Variants in MEGF10 observed in about 807,000 individuals in gnomAD.
MEGF10 encodes multiple EGF like domains 10.
In MEGF10, 86 loss-of-function variants were observed where a neutral mutation model predicts 147.5. That is an observed-to-expected ratio of 0.58 (90% confidence interval 0.49 to 0.70). The LOEUF (loss-of-function observed/expected upper bound fraction) is 0.70. Ranked by LOEUF, MEGF10 falls within the 30% of genes least tolerant of loss-of-function variation. MEGF10 has a pLI of 0.00. For missense variants in MEGF10, 1,329 were observed against 1,487.3 expected (o/e 0.89, Z 1.75); for synonymous variants, 478 against 525.5 (o/e 0.91, Z 1.24).
chr5:127,239,600 CT>C, the MEGF10 span, among the ~76,000 whole-genome samples: 5 of 151,342 alleles, frequency 3.3e-5, no homozygotes, highest in Non-Finnish European at 5.9e-5. Flanking sequence ...ACTCTCATGA[CT>C]TTTCTGAAGG....
the MEGF10 span, among the ~76,000 whole-genome samples, chr5:127,247,423 A>G: frequency 0.16 from 9,934 of 61,390 alleles, 3,019 homozygotes; most frequent in Middle Eastern, 0.34. Flanking sequence ...GAAGAAGAAG[A>G]AGAAGAAGAA....
At chr5:127,268,474 G>C in the MEGF10 span, among the ~76,000 whole-genome samples, 37 of 151,968 alleles carry the variant, frequency 2.4e-4, no homozygotes, top group Non-Finnish European at 2.1e-4. Flanking sequence ...GGATATCCTT[G>C]TTAACTTTCT....
At chr5:127,386,375 A>G (rs1441118330) in intron 5 of MEGF10, among the ~76,000 whole-genome samples, 1 of 152,240 alleles carries the variant, frequency 6.6e-6, no homozygotes, top group Non-Finnish European at 1.5e-5. Flanking sequence ...AATGCTGTCC[A>G]GATTTTATTT....
chr5:127,265,693 T>A, the MEGF10 span, among the ~76,000 whole-genome samples: 1 of 152,360 alleles, frequency 6.6e-6, no homozygotes, highest in East Asian at 1.9e-4. Flanking sequence ...TTTTTTCATG[T>A]GTCTGTTGGC....
At chr5:127,248,366 G>A in the MEGF10 span, among the ~76,000 whole-genome samples, 1 of 151,992 alleles carries the variant, frequency 6.6e-6, no homozygotes, top group African/African-American at 2.4e-5. Flanking sequence ...AGGAAAATAT[G>A]ACCCATAACA....
At chr5:127,247,395 GAAGAAGAAGAAGAAGAAGAAGAA>G in the MEGF10 span, among the ~76,000 whole-genome samples, 1 of 41,872 alleles carries the variant, frequency 2.4e-5, no homozygotes, top group African/African-American at 1.1e-4. Context: ...AGAAGAAGAA[GAAGAAGAAGAAGAAGAAGAAGAA>G]GAAGAAGAAG....
At chr5:127,441,021 G>A (rs571312189) in intron 18 of MEGF10, among the ~76,000 whole-genome samples, 154 bp downstream of exon 18, 1 of 152,332 alleles carries the variant, frequency 6.6e-6, no homozygotes, top group South Asian at 2.1e-4. Context: ...TCCCCTCCCA[G>A]AGGTCAGGCC....
At chr5:127,394,950 G>T (rs1199865139) in intron 5 of MEGF10, among the ~76,000 whole-genome samples, 6 of 152,196 alleles carry the variant, frequency 3.9e-5, no homozygotes, top group Non-Finnish European at 8.8e-5. Context: ...CCAAGGTAGA[G>T]TCTAATATTG....
chr5:127,446,093 T>A (rs777319556), intron 20 of MEGF10, among the ~76,000 whole-genome samples: 38 of 152,176 alleles, frequency 2.5e-4, no homozygotes, highest in Non-Finnish European at 5.1e-4. Flanking sequence ...ACTTTCTATG[T>A]GCTTCCCAGC....
At chr5:127,415,483 G>A (rs1386992558) in intron 9 of MEGF10, among the ~76,000 whole-genome samples, 2 of 152,180 alleles carry the variant, frequency 1.3e-5, no homozygotes, top group African/African-American at 4.8e-5. Flanking sequence ...TTCAGGAGGT[G>A]AGGAGATAGA....
At chr5:127,339,063 ATAT>A in intron 2 of MEGF10, 54 bp from the exon 3 acceptor site, 1 of 1,111,410 alleles carries the variant, frequency 9.0e-7, no homozygotes, top group Non-Finnish European at 1.3e-6. Flanking sequence ...AATACATAGT[ATAT>A]TATTAATTTA....
At chr5:127,383,705 C>T (rs1763333591) in intron 5 of MEGF10, among the ~76,000 whole-genome samples, 1 of 150,638 alleles carries the variant, frequency 6.6e-6, no homozygotes, top group Non-Finnish European at 1.5e-5. Context: ...ACAAAGGAGT[C>T]AGATAGGACT....
Position 127,331,287 on chromosome 5 carries a change from G to T in MEGF10, c.-18-4G>T. The T allele has an allele frequency of 6.9e-7, 1 of 1,454,614 alleles. No homozygotes were observed. The highest frequency in any genetic ancestry group is 1.4e-5 in the African/African-American group (1 of 71,400). 90.1% of individuals were successfully genotyped at this position (1,454,614 alleles called of 1,614,324 possible). On this transcript the variant is annotated splice_region_variant and splice_polypyrimidine_tract_variant and intron_variant, in intron 1 of 24. Transcript: ENST00000503335. ...TTCTAATTGGGATTTTTTCTTTCTT[G>T]TAGGTTGTTCTTCAGAAAAAAATGG...
chr5:127,293,573 T>C (rs1002215211), intron 1 of MEGF10, among the ~76,000 whole-genome samples: 1 of 152,230 alleles, frequency 6.6e-6, no homozygotes, highest in Admixed American at 6.5e-5. Flanking sequence ...GTGATTCTAA[T>C]GCAAAACTCA....
the MEGF10 span, among the ~76,000 whole-genome samples, chr5:127,238,864 TG>T: frequency 9.1e-3 from 1,380 of 152,296 alleles, 30 homozygotes; most frequent in African/African-American, 0.032. Context: ...TTGCAGTCCT[TG>T]TCTGGTTTCC....
chr5:127,350,950 A>T (rs1293673648), intron 4 of MEGF10, among the ~76,000 whole-genome samples: 1 of 151,480 alleles, frequency 6.6e-6, no homozygotes, highest in Admixed American at 6.6e-5. Context: ...CAATTCAATT[A>T]TACTCATGGG....
chr5:127,352,251 C>T (rs2126822392), intron 4 of MEGF10, among the ~76,000 whole-genome samples: 2 of 152,304 alleles, frequency 1.3e-5, no homozygotes, highest in South Asian at 4.1e-4. Flanking sequence ...AGGGTACCCA[C>T]TTCCTTACAT....
intron 19 of MEGF10, 126 bp downstream of exon 19, chr5:127,443,252 G>C: frequency 9.7e-7 from 1 of 1,034,204 alleles, no homozygotes; most frequent in Non-Finnish European, 1.3e-6. Flanking sequence ...TGGCATAATT[G>C]GTTACTTATT....
At position 127,294,148 on chromosome 5, in the gene MEGF10, T is replaced by C. The variant is rs1759392168; in HGVS notation, c.-19+3092T>C. ...CAAATCCCTTTGAAGACTTTCCCTCTGAAGTTTTTCCCAATTATCTCATAA... is the reference window on the plus strand; with the variant it reads ...CAAATCCCTTTGAAGACTTTCCCTCCGAAGTTTTTCCCAATTATCTCATAA... On this transcript the variant is annotated intron_variant, in intron 1 of 24. Transcript: ENST00000503335. Among the ~76,000 whole-genome samples, 3 of 152,256 alleles carry C rather than the reference T, an allele frequency of 2.0e-5. No individual in the cohort carries two copies. The South Asian group carries it at 6.2e-4, about 32-fold the overall frequency.
Sources: allele counts gnomAD v4.1 joint callset (sites outside exome capture counted in the v4.1 genomes callset), GRCh38; gene constraint gnomAD v4.1.1; transcripts MANE v1.5; gene names NCBI Gene and HGNC (gene_info 2026-07-23, HGNC 2026-07-21).